Variants in ECT2 observed in about 807,000 individuals in gnomAD.
ECT2 encodes the protein epithelial cell transforming 2.
A neutral mutation model predicts 116.9 loss-of-function variants in ECT2; 61 were observed. The observed-to-expected ratio is 0.52, with a 90% CI of 0.42 to 0.65. The LOEUF is 0.65. ECT2 is among the 30% of genes least tolerant of loss of function. The pLI is 0.00. For synonymous variants in ECT2, 358 were observed against 346.4 expected, an observed-to-expected ratio of 1.03 and a Z score of -0.37; for missense variants, 937 against 1,078.7, an observed-to-expected ratio of 0.87 and a Z score of 1.84.
rs1374859846 is a variant in ECT2 at position 172,755,320 on chromosome 3, A to G, written c.156A>G (p.Arg52=). 5 of 1,606,310 alleles carry G rather than the reference A, an allele frequency of 3.1e-6. No homozygotes were observed. In the East Asian group the frequency reaches 1.1e-4, roughly 36 times the overall value. The change falls in exon 3 of 25, where the codon AGA becomes AGG. Residue 52 remains arginine, a synonymous_variant. Transcript: ENST00000392692. The part of the protein sequence containing the change: ...VEEEMPQIET[R]VILVQEAGKQ... ...AAGAGATGCCTCAGATTGAAACAAG[A>G]GTGATATTGGTTCAAGAAGCTGGAA...
intron 13 of ECT2, among the ~76,000 whole-genome samples, chr3:172,770,903 A>G (rs981014478): frequency 2.0e-5 from 3 of 152,176 alleles, no homozygotes; most frequent in East Asian, 1.9e-4. Context: ...AGGTATCAGC[A>G]TAATAAAGGA....
downstream of ECT2, among the ~76,000 whole-genome samples, chr3:172,823,268 G>A (rs1019482857): frequency 1.1e-4 from 16 of 151,840 alleles, no homozygotes; most frequent in Admixed American, 9.8e-4. Context: ...CAAAACAAAG[G>A]ATTTACATTT....
chr3:172,769,369 G>C (rs1178823570), intron 13 of ECT2, among the ~76,000 whole-genome samples: 2 of 152,112 alleles, frequency 1.3e-5, no homozygotes, highest in Admixed American at 6.5e-5. Context: ...ACTTTAAAGA[G>C]AACAGAACTC....
intron 14 of ECT2, among the ~76,000 whole-genome samples, chr3:172,781,511 C>G (rs1209598641): frequency 6.6e-6 from 1 of 152,170 alleles, no homozygotes; most frequent in African/African-American, 2.4e-5. Context: ...TTTAAAATCA[C>G]TTAGAATTTC....
intron 14 of ECT2, among the ~76,000 whole-genome samples, chr3:172,777,941 G>A (rs1265725813): frequency 6.6e-6 from 1 of 152,128 alleles, no homozygotes; most frequent in African/African-American, 2.4e-5. Flanking sequence ...GAGATTGATA[G>A]GAGTTCTTTT....
chr3:172,768,948 A>G, intron 12 of ECT2, 59 bp from the exon 13 acceptor site: 1 of 1,470,380 alleles, frequency 6.8e-7, no homozygotes, highest in African/African-American at 1.4e-5. Context: ...TTAAGTCTAC[A>G]TAATGTTTGG....
chr3:172,776,495 T>C (rs1721766880), intron 14 of ECT2, among the ~76,000 whole-genome samples: 1 of 152,156 alleles, frequency 6.6e-6, no homozygotes, highest in Non-Finnish European at 1.5e-5. Flanking sequence ...CTGTTTTAAA[T>C]GAAGCCAACC....
At chr3:172,755,442 C>T in intron 3 of ECT2, 41 bp from the exon 4 acceptor site, 1 of 1,522,144 alleles carries the variant, frequency 6.6e-7, no homozygotes, top group Non-Finnish European at 8.9e-7. Context: ...TAAATAGTTT[C>T]ATAGCTTTCT....
the ECT2 span, among the ~76,000 whole-genome samples, chr3:172,828,456 CTGTT>C: frequency 6.6e-6 from 1 of 151,920 alleles, no homozygotes; most frequent in South Asian, 2.1e-4. Context: ...GTGAAAGAAT[CTGTT>C]TAATCAGATA....
chr3:172,819,260 T>G (rs1378849452), intron 24 of ECT2, among the ~76,000 whole-genome samples: 1 of 149,108 alleles, frequency 6.7e-6, no homozygotes, highest in African/African-American at 2.6e-5. Flanking sequence ...ACAACCTTGT[T>G]GATGAGAACT....
In ECT2 at chr3:172,805,854, A is replaced by C; in HGVS notation, c.2230A>C (p.Ile744Leu). The C allele has an allele frequency of 6.2e-7, 1 of 1,613,084 alleles. No individual in the cohort carries two copies. The change falls in exon 21 of 25, where the codon ATA becomes CTA. Residue 744 changes from isoleucine (I) to leucine (L), a missense_variant. Physicochemically the swap from Ile to Leu is conservative, Grantham distance 5 (BLOSUM62 2). Transcript: ENST00000392692. ...TTCTCAGATTAAGAAGGTATTGGAC[A>C]TAAGAGAGACAGAAGGTATGCCGGT... ...PLSQIKKVLDIRETEDCHNAF... is the reference protein window; with the variant it reads ...PLSQIKKVLDLRETEDCHNAF...
chr3:172,754,798 C>G, intron 2 of ECT2, 138 bp downstream of exon 2: 1 of 659,204 alleles, frequency 1.5e-6, no homozygotes, highest in Non-Finnish European at 2.5e-6. Context: ...TTACAGAATC[C>G]TTTTACACTA....
rs535687950 is a variant in ECT2, at chr3:172,810,846, A to G, written c.2400+2922A>G. On this transcript the variant is annotated intron_variant, in intron 22 of 24. Coordinates refer to ENST00000392692, the MANE Select transcript of ECT2 (RefSeq NM_001258315.2). ...AGGCTCAGTTTCTCCTGAAATTAATATTATATATCTCAGTGGGAAAGATTG... is the reference window on the plus strand; with the variant it reads ...AGGCTCAGTTTCTCCTGAAATTAATGTTATATATCTCAGTGGGAAAGATTG... 3.3e-5 allele frequency among the ~76,000 whole-genome samples: 5 copies of G among 152,284 alleles called. No homozygotes were observed. The East Asian group carries it at 7.7e-4, about 23-fold the overall frequency.
At chr3:172,800,357 T>C (rs1726496080) in intron 18 of ECT2, among the ~76,000 whole-genome samples, 1 of 152,198 alleles carries the variant, frequency 6.6e-6, no homozygotes, top group African/African-American at 2.4e-5. Context: ...TACTCACCAC[T>C]ATCACTCACC....
chr3:172,812,420 T>C (rs958254072), intron 22 of ECT2, among the ~76,000 whole-genome samples: 1 of 152,198 alleles, frequency 6.6e-6, no homozygotes, highest in African/African-American at 2.4e-5. Context: ...TATTTTGTAA[T>C]CAGTCACAGT....
intron 20 of ECT2, among the ~76,000 whole-genome samples, chr3:172,804,549 A>G (rs959042653): frequency 1.3e-5 from 2 of 152,128 alleles, no homozygotes; most frequent in African/African-American, 4.8e-5. Context: ...CTGGATTCGC[A>G]TCATCATGGG....
intron 13 of ECT2, among the ~76,000 whole-genome samples, chr3:172,769,709 A>G (rs562515446): frequency 5.3e-5 from 8 of 152,288 alleles, no homozygotes; most frequent in East Asian, 1.9e-4. Flanking sequence ...AACAGCTCTA[A>G]TGAATCCTTG....
chr3:172,812,091 C>G (rs573645522), intron 22 of ECT2, among the ~76,000 whole-genome samples: 5 of 150,822 alleles, frequency 3.3e-5, no homozygotes, highest in Admixed American at 2.0e-4. Flanking sequence ...TCAAGTGATT[C>G]TCGTGCCTCA....
rs1040784788 is a variant in ECT2, at chr3:172,802,848, T to A, written c.1987-13T>A. On this transcript the variant is annotated splice_polypyrimidine_tract_variant and intron_variant, in intron 19 of 24. Transcript: ENST00000392692. ...CCAAGTGATCTCTTTTGTTATATTT[T>A]CAACCTATACAGGCTAATCTTTTAT... 6.3e-7 allele frequency: 1 copy of A among 1,598,514 alleles called. No homozygotes were observed. Among genetic ancestry groups the A allele is most frequent in the Non-Finnish European group, 8.5e-7 (1 of 1,175,686 alleles).
Sources: allele counts gnomAD v4.1 joint callset (sites outside exome capture counted in the v4.1 genomes callset), GRCh38; gene constraint gnomAD v4.1.1; transcripts MANE v1.5; gene names NCBI Gene and HGNC (gene_info 2026-07-23, HGNC 2026-07-21).